The following AK3 variants were observed in gnomAD, a reference collection of about 807,000 sequenced individuals.
The protein encoded by AK3 is adenylate kinase 3, also known as GTP:AMP phosphotransferase AK3, mitochondrial.
AK3 carries 27 observed loss-of-function variants against 23.7 expected under a neutral mutation model. The observed-to-expected ratio is 1.14, with a 90% CI of 0.84 to 1.57. The LOEUF is 1.57. AK3 is among the 40% of genes most tolerant of loss of function. The pLI is 0.00. For synonymous variants in AK3, 159 were observed against 116.0 expected, an observed-to-expected ratio of 1.37 and a Z score of -2.38; for missense variants, 406 against 285.6, an observed-to-expected ratio of 1.42 and a Z score of -3.04.
intron 2 of AK3, among the ~76,000 whole-genome samples, chr9:4,720,981 A>C (rs1441534082): frequency 6.6e-6 from 1 of 152,134 alleles, no homozygotes; most frequent in African/African-American, 2.4e-5. Context: ...AATCCTACTC[A>C]TTCCTCAAGA....
intron 1 of AK3, among the ~76,000 whole-genome samples, chr9:4,723,623 A>G (rs888266939): frequency 3.3e-5 from 5 of 152,166 alleles, no homozygotes; most frequent in Non-Finnish European, 5.9e-5. Context: ...CTGCGTATCT[A>G]CAATTTTATG....
intron 3 of AK3, 45 bp downstream of exon 3, chr9:4,719,090 C>T: frequency 6.2e-7 from 1 of 1,606,358 alleles, no homozygotes; most frequent in East Asian, 2.2e-5. Flanking sequence ...GGCAAGAGGA[C>T]TCAGGGACAG....
chr9:4,712,838 A>T lies in AK3; in HGVS notation c.*138T>A. ...TCATTTGGCACATCCTTAGTATCCA[A>T]AATAAAATCAGTAGAAATAAAAGTA... On this transcript the variant is annotated 3_prime_UTR_variant, in exon 5 of 5. Transcript: ENST00000381809. 2.0e-6 allele frequency: 2 copies of T among 1,021,408 alleles called. No individual in the cohort carries two copies. Among genetic ancestry groups the T allele is most frequent in the East Asian group, 2.7e-5 (1 of 37,188 alleles). The allele number at this position is 1,021,408 out of a possible 1,614,324, so 63.3% of individuals were successfully genotyped here. A position where few individuals can be genotyped will look rare whatever the true frequency, so the allele number is the denominator to read the frequency against.
chr9:4,719,537 G>A (rs1054727612), intron 2 of AK3, among the ~76,000 whole-genome samples: 1 of 152,060 alleles, frequency 6.6e-6, no homozygotes, highest in Admixed American at 6.5e-5. Context: ...TATTATGCTG[G>A]GTATATCTGT....
At position 4,740,060 on chromosome 9, in the gene AK3, CA is replaced by C. The variant is rs1166971578; in HGVS notation, c.151+876del. Among the ~76,000 whole-genome samples the C allele has an allele frequency of 1.3e-3, 148 of 113,344 alleles. 1 individual carries two copies. The highest frequency in any genetic ancestry group is 2.8e-3 in the African/African-American group (77 of 27,046). 74.4% of individuals were successfully genotyped at this position (113,344 alleles called of 152,430 possible). On this transcript the variant is annotated intron_variant, in intron 1 of 4. Coordinates refer to ENST00000381809, the MANE Select transcript of AK3 (RefSeq NM_016282.4). ...ACGTCTATCCTGTTTGCTATCCTTACAAAAAAAAAAAAAAAAAGAAGGAAAA... is the reference window on the plus strand; with the variant it reads ...ACGTCTATCCTGTTTGCTATCCTTACAAAAAAAAAAAAAAAAGAAGGAAAA...
chr9:4,728,864 T>TACACACACAC (rs1168147185), intron 1 of AK3, among the ~76,000 whole-genome samples: 61 of 77,546 alleles, frequency 7.9e-4, no homozygotes, highest in African/African-American at 2.0e-3. Flanking sequence ...TATATATATA[T>TACACACACAC]ATACACACAC....
chr9:4,736,399 G>A (rs1842294161), intron 1 of AK3, among the ~76,000 whole-genome samples: 1 of 150,322 alleles, frequency 6.7e-6, no homozygotes. Flanking sequence ...AAAATATCTT[G>A]GAAGAATCTT....
In AK3 at chr9:4,728,477, A is replaced by C. The variant is rs533711744; in HGVS notation, c.152-5852T>G. 5.0e-3 allele frequency among the ~76,000 whole-genome samples: 760 copies of C among 152,302 alleles called. 5 individuals carry two copies. Among genetic ancestry groups the C allele is most frequent in the African/African-American group, 0.016 (681 of 41,556 alleles). Reference sequence around the variant, plus strand: ...TCCCAGCTACCTGGGAGGCTGAGGCAGGAGAAGTGCTTGAACCTGGGAGGC... The same window carrying C: ...TCCCAGCTACCTGGGAGGCTGAGGCCGGAGAAGTGCTTGAACCTGGGAGGC... On this transcript the variant is annotated intron_variant, in intron 1 of 4. Coordinates refer to ENST00000381809, the MANE Select transcript of AK3 (RefSeq NM_016282.4).
chr9:4,709,777 A>G lies in AK3; in HGVS notation c.*3199T>C, dbSNP rs972507625. 2.6e-5 allele frequency: 4 copies of G among 152,236 alleles called. No individual in the cohort carries two copies. Among genetic ancestry groups the G allele is most frequent in the African/African-American group, 9.6e-5 (4 of 41,456 alleles). The allele number at this position is 152,236 out of a possible 1,614,324, so 9.4% of individuals were successfully genotyped here. ...TGAAAATCTTTAACTGCAAAGATAG[A>G]AAAGCTATTTCTACAGTTTATCAGG... On this transcript the variant is annotated 3_prime_UTR_variant, in exon 5 of 5. Coordinates refer to ENST00000381809, the MANE Select transcript of AK3 (RefSeq NM_016282.4).
At chr9:4,733,908 C>A (rs114315135) in intron 1 of AK3, among the ~76,000 whole-genome samples, 2 of 152,172 alleles carry the variant, frequency 1.3e-5, no homozygotes, top group South Asian at 2.1e-4. Flanking sequence ...TGTCCCTCAA[C>A]CTCCTAGGGA....
At chr9:4,730,404 T>A (rs1842126003) in intron 1 of AK3, among the ~76,000 whole-genome samples, 1 of 147,710 alleles carries the variant, frequency 6.8e-6, no homozygotes, top group Non-Finnish European at 1.5e-5. Context: ...AGAAAAAAAA[T>A]AAAAAAACCA....
At chr9:4,714,954 C>T (rs1420140128) in intron 4 of AK3, among the ~76,000 whole-genome samples, 1 of 152,020 alleles carries the variant, frequency 6.6e-6, no homozygotes, top group African/African-American at 2.4e-5. Flanking sequence ...TGTGGTGGCT[C>T]AAGTCTGTAA....
chr9:4,718,310 G>A (rs1841791723), intron 4 of AK3, 109 bp downstream of exon 4: 1 of 797,388 alleles, frequency 1.3e-6, no homozygotes, highest in Admixed American at 1.9e-5. Context: ...TTAAGCCCAT[G>A]TGAACTGGGT....
intron 1 of AK3, among the ~76,000 whole-genome samples, chr9:4,725,917 C>G (rs999663920): frequency 1.5e-4 from 23 of 151,670 alleles, no homozygotes; most frequent in African/African-American, 4.6e-4. Context: ...ACATACAGGC[C>G]TACCCTGGAG....
Position 4,728,832 on chromosome 9 carries a change from CAT to C in AK3, c.152-6209_152-6208del, listed in dbSNP as rs145541536. Among the ~76,000 whole-genome samples the C allele has an allele frequency of 9.0e-3, 779 of 86,790 alleles. 4 individuals carry two copies. The highest frequency in any genetic ancestry group is 0.027 in the African/African-American group (739 of 27,192). The allele number at this position is 86,790 out of a possible 152,430, so 56.9% of individuals were successfully genotyped here. A position where few individuals can be genotyped will look rare whatever the true frequency, so the allele number is the denominator to read the frequency against. On this transcript the variant is annotated intron_variant, in intron 1 of 4. Transcript: ENST00000381809. ...GCAACACAGCAAGACCATGTCTCTA[CAT>C]ATATATATATATATATATATATATA...
chr9:4,725,816 T>A (rs1842011176), intron 1 of AK3, among the ~76,000 whole-genome samples: 1 of 152,162 alleles, frequency 6.6e-6, no homozygotes, highest in African/African-American at 2.4e-5. Flanking sequence ...CATGAACACA[T>A]GATCAACGTC....
chr9:4,710,608 A>C lies in AK3; in HGVS notation c.*2368T>G, dbSNP rs905046043. ...TATTTCCATGTGGTACATAAATCTT[A>C]ATGATGGTCATTACAGAATTATTTT... On this transcript the variant is annotated 3_prime_UTR_variant, in exon 5 of 5. Coordinates refer to ENST00000381809, the MANE Select transcript of AK3 (RefSeq NM_016282.4). 1.3e-5 allele frequency: 2 copies of C among 152,094 alleles called. No homozygotes were observed. Among genetic ancestry groups the C allele is most frequent in the Non-Finnish European group, 2.9e-5 (2 of 68,032 alleles). The allele number at this position is 152,094 out of a possible 1,614,324, so 9.4% of individuals were successfully genotyped here.
In AK3 at chr9:4,725,567, G is replaced by A. The variant is rs776578124; in HGVS notation, c.152-2942C>T. Among the ~76,000 whole-genome samples the A allele has an allele frequency of 1.1e-4, 16 of 151,968 alleles. No homozygotes were observed. The South Asian group carries it at 2.5e-3, about 24-fold the overall frequency. On this transcript the variant is annotated intron_variant, in intron 1 of 4. Transcript: ENST00000381809. ...GCAGATCACCTGAGGTCAGGAGTTCGAGACCAGCCTGGCCAACATGGTGAA... is the reference window on the plus strand; with the variant it reads ...GCAGATCACCTGAGGTCAGGAGTTCAAGACCAGCCTGGCCAACATGGTGAA...
At chr9:4,716,998 TACA>T (rs936067078) in intron 4 of AK3, among the ~76,000 whole-genome samples, 19 of 152,332 alleles carry the variant, frequency 1.2e-4, no homozygotes, top group African/African-American at 4.3e-4. Flanking sequence ...CATACGCTAT[TACA>T]ACAACAATAA....
Sources: allele counts gnomAD v4.1 joint callset (sites outside exome capture counted in the v4.1 genomes callset), GRCh38; gene constraint gnomAD v4.1.1; transcripts MANE v1.5; gene names NCBI Gene and HGNC (gene_info 2026-07-23, HGNC 2026-07-21).